Variants in SVOPL observed in about 807,000 individuals in gnomAD.
SVOPL encodes putative transporter SVOPL.
A neutral mutation model predicts 61.0 loss-of-function variants in SVOPL; 60 were observed. That is an observed-to-expected ratio of 0.98 (90% CI 0.80 to 1.22). The LOEUF is 1.22. Ranked by LOEUF, SVOPL falls within the 50% of genes most tolerant of loss-of-function variation. The pLI, the probability that SVOPL is intolerant of heterozygous loss-of-function variation, is 0.00. For synonymous variants in SVOPL, 279 were observed against 250.0 expected (o/e 1.12, Z -1.09); for missense variants, 662 against 643.9 (o/e 1.03, Z -0.30).
intron 14 of SVOPL, among the ~76,000 whole-genome samples, chr7:138,602,731 C>A (rs1005528878): frequency 2.6e-5 from 4 of 152,028 alleles, no homozygotes; most frequent in Non-Finnish European, 4.4e-5. Flanking sequence ...CCCATTTCCA[C>A]CCCTAACCAC....
Position 138,622,006 on chromosome 7 carries a change from G to GTATCTATGTATC in SVOPL, c.1264-872_1264-871insGATACATAGATA, listed in dbSNP as rs1799621542. On this transcript the variant is annotated intron_variant, in intron 13 of 15. Coordinates refer to ENST00000674285, the MANE Select transcript of SVOPL (RefSeq NM_001139456.2). ...TCTATCTATGTATCTATCTATCTAT[G>GTATCTATGTATC]TATCTATCTATGTATCTATCTATCT... Among the ~76,000 whole-genome samples, 12 of 8,856 alleles carry GTATCTATGTATC rather than the reference G, an allele frequency of 1.4e-3. 1 individual carries two copies. The highest frequency in any genetic ancestry group is 0.01 in the South Asian group (3 of 296). 5.8% of individuals were successfully genotyped at this position (8,856 alleles called of 152,430 possible).
intron 3 of SVOPL, among the ~76,000 whole-genome samples, chr7:138,674,214 C>CACACACACAT (rs554204024): frequency 6.7e-6 from 1 of 150,260 alleles, no homozygotes; most frequent in African/African-American, 2.5e-5. Context: ...CACACACACA[C>CACACACACAT]ACACATACAC....
intron 1 of SVOPL, among the ~76,000 whole-genome samples, chr7:138,681,319 A>G (rs1042556091): frequency 6.7e-6 from 1 of 148,444 alleles, no homozygotes; most frequent in Non-Finnish European, 1.5e-5. Flanking sequence ...AGATTATTAT[A>G]TAACATATAA....
intron 14 of SVOPL, among the ~76,000 whole-genome samples, chr7:138,607,657 G>T (rs1798816348): frequency 1.3e-5 from 2 of 152,200 alleles, no homozygotes; most frequent in Non-Finnish European, 1.5e-5. Context: ...GGAGGTGAAG[G>T]AATGAGTGGA....
rs150824819 is a variant in SVOPL, at chr7:138,630,870, G to A, written c.790-748C>T. On this transcript the variant is annotated intron_variant, in intron 9 of 15. Coordinates refer to ENST00000674285, the MANE Select transcript of SVOPL (RefSeq NM_001139456.2). ...AGGCAGGAGAATCACTTGAACCCAG[G>A]AGATGGAGGTTGCAGTGAGCCGAGA... Among the ~76,000 whole-genome samples the A allele has an allele frequency of 3.0e-3, 448 of 148,888 alleles. 1 individual carries two copies. The highest frequency in any genetic ancestry group is 0.01 in the African/African-American group (420 of 40,326).
intron 1 of SVOPL, among the ~76,000 whole-genome samples, chr7:138,696,398 TTTTGTTGTTGTTGTTG>T (rs1803065502): frequency 6.6e-6 from 1 of 151,810 alleles, no homozygotes; most frequent in Non-Finnish European, 1.5e-5. Flanking sequence ...GCCTGGCTAA[TTTTGTTGTTGTTGTTG>T]TTTGTTGTTG....
intron 3 of SVOPL, among the ~76,000 whole-genome samples, chr7:138,676,971 G>T (rs1347800016): frequency 8.2e-5 from 11 of 133,674 alleles, no homozygotes; most frequent in African/African-American, 3.2e-4. Context: ...TGGCACTATC[G>T]CAGCTCACTG....
chr7:138,621,863 T>G (rs1369736487), intron 13 of SVOPL, among the ~76,000 whole-genome samples: 2 of 143,462 alleles, frequency 1.4e-5, no homozygotes, highest in Non-Finnish European at 3.0e-5. Flanking sequence ...TCTATCTATC[T>G]ATCTATCTAT....
chr7:138,616,409 T>TCA (rs991990382), intron 14 of SVOPL, among the ~76,000 whole-genome samples: 1 of 151,756 alleles, frequency 6.6e-6, no homozygotes, highest in Admixed American at 6.6e-5. Context: ...TGATCTTGAC[T>TCA]CACCACAAAC....
At position 138,627,460 on chromosome 7, in the gene SVOPL, C is replaced by A; in HGVS notation, c.1071G>T (p.Leu357Phe). The stretch of plus-strand genomic sequence containing the variant: ...TGATGCCCAGTATATTTAAAGGATT[C>A]ACTAGAAAGCAAACAGTAAAGATAA... ...MIISTIGEIA[L>F]NPLNILGINF... is the part of the protein sequence containing the mutation. Residue 357 changes from leucine (L) to phenylalanine (F), a missense_variant and splice_region_variant, in exon 12 of 16, where the codon TTG becomes TTT. Coordinates refer to ENST00000674285, the MANE Select transcript of SVOPL (RefSeq NM_001139456.2). The A allele has an allele frequency of 6.2e-7, 1 of 1,609,202 alleles. No individual in the cohort carries two copies. Among genetic ancestry groups the A allele is most frequent in the South Asian group, 1.1e-5 (1 of 90,940 alleles).
intron 9 of SVOPL, among the ~76,000 whole-genome samples, chr7:138,639,689 T>C (rs1294839268): frequency 6.6e-6 from 1 of 151,850 alleles, no homozygotes; most frequent in Non-Finnish European, 1.5e-5. Flanking sequence ...AAAAATCACC[T>C]ATAGCTTTAC....
chr7:138,642,854 G>C, intron 9 of SVOPL, among the ~76,000 whole-genome samples: 1 of 117,220 alleles, frequency 8.5e-6, no homozygotes, highest in African/African-American at 3.4e-5. Context: ...AAAAAAAGAA[G>C]AAACAAAATT....
intron 7 of SVOPL, among the ~76,000 whole-genome samples, chr7:138,652,278 C>G (rs1801478565): frequency 6.6e-6 from 1 of 152,146 alleles, no homozygotes. Context: ...TCTCAGACTC[C>G]TAACCTCAAG....
chr7:138,665,515 G>C (rs147725056), intron 4 of SVOPL, among the ~76,000 whole-genome samples: 305 of 152,192 alleles, frequency 2.0e-3, no homozygotes, highest in African/African-American at 7.1e-3. Flanking sequence ...CCTAATGAGG[G>C]AGATTGTGTA....
chr7:138,700,752 T>C (rs16873515), intron 1 of SVOPL, among the ~76,000 whole-genome samples: 7,818 of 151,548 alleles, frequency 0.052, 265 homozygotes, highest in South Asian at 0.14. Context: ...CTCAGGAAAA[T>C]AGGGAATAAC....
chr7:138,597,343 A>G, intron 14 of SVOPL: 1 of 684,252 alleles, frequency 1.5e-6, no homozygotes, highest in Admixed American at 3.4e-5. Flanking sequence ...GCCTAGACTA[A>G]GTGACTAGTC....
intron 5 of SVOPL, chr7:138,661,602 G>T: frequency 1.0e-6 from 1 of 985,126 alleles, no homozygotes; most frequent in Non-Finnish European, 1.2e-6. Flanking sequence ...ACAATGTGAC[G>T]CTCATCCATT....
intron 5 of SVOPL, chr7:138,661,464 G>C (rs1047786913): frequency 1.0e-6 from 1 of 982,262 alleles, no homozygotes; most frequent in Admixed American, 6.2e-5. Context: ...CAGAGACACA[G>C]GAGCATGCGA....
chr7:138,633,266 C>T (rs1435417999), intron 9 of SVOPL, among the ~76,000 whole-genome samples: 4 of 152,112 alleles, frequency 2.6e-5, no homozygotes, highest in Non-Finnish European at 5.9e-5. Context: ...ATATTTGTCC[C>T]CTCCAAGTCT....
Sources: gnomAD v4.1 joint callset for allele counts (sites outside exome capture counted in the v4.1 genomes callset) on GRCh38, gnomAD v4.1.1 for gene constraint, MANE v1.5 for transcripts, NCBI Gene and HGNC (gene_info 2026-07-23, HGNC 2026-07-21) for gene names.